The following APOBEC3D variants were observed in gnomAD, a reference collection of about 807,000 sequenced individuals.
APOBEC3D encodes DNA dC->dU-editing enzyme APOBEC-3D.
A neutral mutation model predicts 45.6 loss-of-function variants in APOBEC3D; 37 were observed. That is an observed-to-expected ratio of 0.81 (90% confidence interval 0.62 to 1.07). The LOEUF (loss-of-function observed/expected upper bound fraction) is 1.07, where lower values mean the gene tolerates loss of function less well. Ranked by LOEUF, APOBEC3D falls within the 50% of genes least tolerant of loss-of-function variation. The pLI is 0.00. For missense variants in APOBEC3D, 496 were observed against 495.3 expected (o/e 1.00, Z -0.01); for synonymous variants, 175 against 180.7 (o/e 0.97, Z 0.25).
intron 2 of APOBEC3D, among the ~76,000 whole-genome samples, chr22:39,023,761 A>G (rs1925359438): frequency 2.0e-5 from 3 of 151,762 alleles, no homozygotes; most frequent in Admixed American, 2.0e-4. Context: ...CACTTCCCAC[A>G]TTTCTTAAGT....
At chr22:39,023,746 G>T (rs570325262) in intron 2 of APOBEC3D, among the ~76,000 whole-genome samples, 150 of 152,136 alleles carry the variant, frequency 9.9e-4, no homozygotes, top group African/African-American at 3.5e-3. Flanking sequence ...ACTGCGCCTG[G>T]CCTCCACTTC....
chr22:39,028,704 G>T (rs955719308), intron 4 of APOBEC3D, among the ~76,000 whole-genome samples: 1 of 152,224 alleles, frequency 6.6e-6, no homozygotes, highest in African/African-American at 2.4e-5. Flanking sequence ...GGTAGGCCGA[G>T]GTGGGTGGAT....
chr22:39,032,274 C>A lies in APOBEC3D; in HGVS notation c.1119C>A (p.Asn373Lys), dbSNP rs1926300538. The change falls in exon 7 of 7, where the codon AAC (asparagine) becomes AAA (lysine). Residue 373 changes from asparagine (N) to lysine (K), a missense_variant. Asn to Lys is a moderately conservative substitution (Grantham distance 94). Coordinates refer to ENST00000216099, the MANE Select transcript of APOBEC3D (RefSeq NM_152426.4). ...PFKPWKGLQT[N>K]FRLLKRRLRE... ...AGCCTTGGAAGGGACTACAAACCAACTTTCGACTTCTGAAAAGAAGGCTAC... is the reference window on the plus strand; with the variant it reads ...AGCCTTGGAAGGGACTACAAACCAAATTTCGACTTCTGAAAAGAAGGCTAC... 6.2e-7 allele frequency: 1 copy of A among 1,614,102 alleles called. No homozygotes were observed. Among genetic ancestry groups the A allele is most frequent in the African/African-American group, 1.3e-5 (1 of 74,938 alleles).
intron 1 of APOBEC3D, 98 bp downstream of exon 1, chr22:39,021,634 C>T (rs1392595150): frequency 2.3e-5 from 35 of 1,545,808 alleles, no homozygotes; most frequent in East Asian, 6.8e-5. Context: ...CCAGCCCCAG[C>T]CCTGGACTTC....
In APOBEC3D at chr22:39,033,060, AC is replaced by A. The variant is rs1601480435; in HGVS notation, c.*746del. ...AAGCCCCATTTCTACAAAAAAAAAT[AC>A]CAAAAAAAAGCCAGATGTGGTGGCA... On this transcript the variant is annotated 3_prime_UTR_variant, in exon 7 of 7. Transcript: ENST00000216099. 9.9e-5 allele frequency: 13 copies of A among 130,870 alleles called. No individual in the cohort carries two copies. Among genetic ancestry groups the A allele is most frequent in the East Asian group, 4.9e-4 (2 of 4,082 alleles). The allele number at this position is 130,870 out of a possible 1,614,324, so 8.1% of individuals were successfully genotyped here.
intron 5 of APOBEC3D, among the ~76,000 whole-genome samples, chr22:39,030,861 GA>G (rs1336822165): frequency 6.6e-6 from 1 of 152,190 alleles, no homozygotes; most frequent in Non-Finnish European, 1.5e-5. Context: ...AATAAAGAAG[GA>G]AGGGGCCAAG....
chr22:39,031,652 C>G, intron 5 of APOBEC3D, 42 bp from the exon 6 acceptor site: 1 of 1,607,826 alleles, frequency 6.2e-7, no homozygotes, highest in Non-Finnish European at 8.5e-7. Flanking sequence ...CCTCCTGCTC[C>G]TGGTCTGAGC....
chr22:39,032,364 T>G lies in APOBEC3D; in HGVS notation c.*48T>G, dbSNP rs1256828867. ...TCTGTCTCTTCTAGCCTCCTGCTCA[T>G]GCTGCACGGGCCTCCCCTCCATCCT... On this transcript the variant is annotated 3_prime_UTR_variant, in exon 7 of 7. Coordinates refer to ENST00000216099, the MANE Select transcript of APOBEC3D (RefSeq NM_152426.4). The G allele has an allele frequency of 1.2e-6, 2 of 1,605,916 alleles. No individual in the cohort carries two copies.
chr22:39,033,155 T>C lies in APOBEC3D; in HGVS notation c.*839T>C, dbSNP rs148263747. ...CTGCTTGAGCCGGGGAGGTGGAGGC[T>C]GGAGTAAACTGAGATCGCGCCACAG... On this transcript the variant is annotated 3_prime_UTR_variant, in exon 7 of 7. Coordinates refer to ENST00000216099, the MANE Select transcript of APOBEC3D (RefSeq NM_152426.4). 6 of 561,768 alleles carry C rather than the reference T, an allele frequency of 1.1e-5. No individual in the cohort carries two copies. The East Asian group carries it at 8.7e-4, about 82-fold the overall frequency. The allele number at this position is 561,768 out of a possible 1,614,324, so 34.8% of individuals were successfully genotyped here.
chr22:39,025,034 G>A lies in APOBEC3D; in HGVS notation c.211-36G>A, dbSNP rs75068521. ...CACCCCGCACCCCTCCTGTTCCCCC[G>A]TCCCAGAGCTTCCCCTGCCCCTGCT... On this transcript the variant is annotated intron_variant, in intron 2 of 6. Coordinates refer to ENST00000216099, the MANE Select transcript of APOBEC3D (RefSeq NM_152426.4). 5.5e-3 allele frequency: 1,193 copies of A among 216,304 alleles called. 11 individuals carry two copies. Among genetic ancestry groups the A allele is most frequent in the African/African-American group, 0.053 (983 of 18,508 alleles). The allele number at this position is 216,304 out of a possible 1,614,324, so 13.4% of individuals were successfully genotyped here.
chr22:39,025,522 G>A, intron 3 of APOBEC3D, 35 bp from the exon 4 acceptor site: 1 of 1,614,110 alleles, frequency 6.2e-7, no homozygotes, highest in Non-Finnish European at 8.5e-7. Context: ...CAGGGTCAGG[G>A]GAGAGCCTGA....
Position 39,033,185 on chromosome 22 carries a change from C to G in APOBEC3D, c.*869C>G, listed in dbSNP as rs999816177. 4 of 862,438 alleles carry G rather than the reference C, an allele frequency of 4.6e-6. No homozygotes were observed. In the African/African-American group the frequency reaches 5.5e-5, roughly 12 times the overall value. The allele number at this position is 862,438 out of a possible 1,614,324, so 53.4% of individuals were successfully genotyped here. A position where few individuals can be genotyped will look rare whatever the true frequency, so the allele number is the denominator to read the frequency against. ...TAAACTGAGATCGCGCCACAGAACT[C>G]CAGTTTGAGCAACAGATCAAGACCC... On this transcript the variant is annotated 3_prime_UTR_variant, in exon 7 of 7. Transcript: ENST00000216099.
chr22:39,029,931 C>T (rs1177205794), intron 5 of APOBEC3D, among the ~76,000 whole-genome samples: 2 of 152,164 alleles, frequency 1.3e-5, no homozygotes, highest in Non-Finnish European at 2.9e-5. Flanking sequence ...TTTTTTAAGT[C>T]GGTGGCCCAG....
intron 1 of APOBEC3D, among the ~76,000 whole-genome samples, chr22:39,022,459 A>T (rs1925214377): frequency 6.6e-6 from 1 of 152,278 alleles, no homozygotes; most frequent in African/African-American, 2.4e-5. Flanking sequence ...GTGAAACATC[A>T]GGAAGGAATT....
At chr22:39,029,575 G>A in intron 5 of APOBEC3D, 56 bp downstream of exon 5, 1 of 1,602,118 alleles carries the variant, frequency 6.2e-7, no homozygotes. Flanking sequence ...TGGGAACGCA[G>A]AAAACACAAT....
chr22:39,028,312 A>G (rs2086069100), intron 4 of APOBEC3D, among the ~76,000 whole-genome samples: 1 of 152,170 alleles, frequency 6.6e-6, no homozygotes, highest in Non-Finnish European at 1.5e-5. Flanking sequence ...ACAGCTCCCC[A>G]CCGCAGGGCC....
In APOBEC3D at chr22:39,032,394, C is replaced by T; in HGVS notation, c.*78C>T. On this transcript the variant is annotated 3_prime_UTR_variant, in exon 7 of 7. Transcript: ENST00000216099. ...CACGGGCCTCCCCTCCATCCTGCACCAGCTGTGCTTTTGCCTGGTCATCCT... is the reference window on the plus strand; with the variant it reads ...CACGGGCCTCCCCTCCATCCTGCACTAGCTGTGCTTTTGCCTGGTCATCCT... 1.3e-6 allele frequency: 2 copies of T among 1,571,754 alleles called. No individual in the cohort carries two copies. The highest frequency in any genetic ancestry group is 1.7e-6 in the Non-Finnish European group (2 of 1,161,154).
Position 39,025,591 on chromosome 22 carries a change from T to C in APOBEC3D, c.525T>C (p.Asn175=). ...FAYCWENFVC[N]EGQPFMPWYK... ...ACTGCTGGGAAAACTTTGTGTGCAA[T>C]GAAGGTCAGCCATTCATGCCTTGGT... The change falls in exon 4 of 7, where the codon AAT becomes AAC. Residue 175 remains asparagine, a synonymous_variant. Transcript: ENST00000216099. 1 of 1,614,112 alleles carries C rather than the reference T, an allele frequency of 6.2e-7. No homozygotes were observed. The highest frequency in any genetic ancestry group is 8.5e-7 in the Non-Finnish European group (1 of 1,180,006).
chr22:39,032,343 T>C lies in APOBEC3D; in HGVS notation c.*27T>C, dbSNP rs1377516299. The C allele has an allele frequency of 6.2e-7, 1 of 1,612,322 alleles. No individual in the cohort carries two copies. The highest frequency in any genetic ancestry group is 8.5e-7 in the Non-Finnish European group (1 of 1,179,092). ...GGGTCTCCCTGGGCCTCATGGTCTG[T>C]CTCTTCTAGCCTCCTGCTCATGCTG... On this transcript the variant is annotated 3_prime_UTR_variant, in exon 7 of 7. Transcript: ENST00000216099.
Sources: gnomAD v4.1 joint callset for allele counts (sites outside exome capture counted in the v4.1 genomes callset) on GRCh38, gnomAD v4.1.1 for gene constraint, MANE v1.5 for transcripts, NCBI Gene and HGNC (gene_info 2026-07-23, HGNC 2026-07-21) for gene names.